AKR1C1: variants seen among roughly 807,000 people sequenced by gnomAD.
The protein encoded by AKR1C1 is 20 alpha-hydroxysteroid dehydrogenase.
AKR1C1 carries 32 observed loss-of-function variants against 40.6 expected under a neutral mutation model. That is an observed-to-expected ratio of 0.79 (90% CI 0.60 to 1.06). The LOEUF is 1.06. Among genes scored for constraint, AKR1C1 ranks in the 50% least tolerant of loss-of-function variants. AKR1C1 has a pLI of 0.00. For synonymous variants in AKR1C1, 105 were observed against 134.2 expected (o/e 0.78, Z 1.50); for missense variants, 320 against 363.5 (o/e 0.88, Z 0.97).
intron 3 of AKR1C1, chr10:4,967,335 G>T (rs529662671): frequency 1.4e-4 from 157 of 1,121,948 alleles, no homozygotes; most frequent in Non-Finnish European, 1.6e-4. Flanking sequence ...TATGATTCCT[G>T]ATTTCACCTC....
Position 4,981,647 on chromosome 10 carries a change from A to C in AKR1C1, c.*3905A>C, listed in dbSNP as rs1352888355. ...AATCCTACTCCATGAAATAAGAAAA[A>C]ACCATCACATCCCCAGATTCTGAGG... On this transcript the variant is annotated 3_prime_UTR_variant, in exon 9 of 9. Coordinates refer to ENST00000380872, the MANE Select transcript of AKR1C1 (RefSeq NM_001353.6). The C allele has an allele frequency of 6.6e-6, 1 of 152,242 alleles. No individual in the cohort carries two copies. Among genetic ancestry groups the C allele is most frequent in the Non-Finnish European group, 1.5e-5 (1 of 68,062 alleles). 9.4% of individuals were successfully genotyped at this position (152,242 alleles called of 1,614,324 possible).
chr10:4,970,070 A>G lies in AKR1C1; in HGVS notation c.570+1126A>G. 3 of 309,554 alleles carry G rather than the reference A, an allele frequency of 9.7e-6. No individual in the cohort carries two copies. In the South Asian group the frequency reaches 9.9e-5, roughly 10 times the overall value. The allele number at this position is 309,554 out of a possible 1,614,324, so 19.2% of individuals were successfully genotyped here. On this transcript the variant is annotated intron_variant, in intron 5 of 8. Coordinates refer to ENST00000380872, the MANE Select transcript of AKR1C1 (RefSeq NM_001353.6). Reference sequence around the variant, plus strand: ...ATATTCAAAATTACTAACATTTTGCAATGTTATATGGAGTATATCTGCATA... The same window carrying G: ...ATATTCAAAATTACTAACATTTTGCGATGTTATATGGAGTATATCTGCATA...
intron 8 of AKR1C1, among the ~76,000 whole-genome samples, chr10:4,976,519 G>A (rs1337769790): frequency 6.6e-6 from 1 of 152,136 alleles, no homozygotes; most frequent in Non-Finnish European, 1.5e-5. Context: ...CTGTCTTAGT[G>A]AAGCGAATAG....
chr10:4,974,643 T>C (rs2131647327), intron 7 of AKR1C1, among the ~76,000 whole-genome samples: 1 of 152,228 alleles, frequency 6.6e-6, no homozygotes, highest in East Asian at 1.9e-4. Context: ...TTTTGAATTT[T>C]TAGCAAAATT....
chr10:4,965,688 T>G, intron 1 of AKR1C1: 8 of 470,228 alleles, frequency 1.7e-5, no homozygotes, highest in Non-Finnish European at 2.6e-5. Flanking sequence ...ACTTCCAAAC[T>G]AGTGGTCAAG....
chr10:4,970,326 C>T (rs1046996466), intron 5 of AKR1C1, among the ~76,000 whole-genome samples: 2 of 151,988 alleles, frequency 1.3e-5, no homozygotes, highest in Admixed American at 6.6e-5. Flanking sequence ...CTTTTTTTAA[C>T]CAGAATTCAA....
Position 4,972,708 on chromosome 10 carries a change from G to A in AKR1C1, c.805G>A (p.Ala269Thr). ...YQLQRGVVVL[A>T]KSYNEQRIRQ... is the part of the protein sequence containing the mutation. ...GCTACAGCGTGGGGTTGTGGTCCTGGCCAAGAGCTACAATGAGCAGCGCAT... is the reference window on the plus strand; with the variant it reads ...GCTACAGCGTGGGGTTGTGGTCCTGACCAAGAGCTACAATGAGCAGCGCAT... The change falls in exon 7 of 9, where the codon GCC (alanine) becomes ACC (threonine). Residue 269 changes from alanine (A) to threonine (T), a missense_variant. Ala to Thr is a moderately conservative substitution (Grantham distance 58, BLOSUM62 0). Coordinates refer to ENST00000380872, the MANE Select transcript of AKR1C1 (RefSeq NM_001353.6). 3 of 1,612,442 alleles carry A rather than the reference G, an allele frequency of 1.9e-6. No individual in the cohort carries two copies.
rs1275859524 is a variant in AKR1C1 at position 4,978,362 on chromosome 10, T to C, written c.*620T>C. The C allele has an allele frequency of 6.6e-6, 1 of 150,650 alleles. No homozygotes were observed. Among genetic ancestry groups the C allele is most frequent in the Non-Finnish European group, 1.5e-5 (1 of 67,864 alleles). The allele number at this position is 150,650 out of a possible 1,614,324, so 9.3% of individuals were successfully genotyped here. A position where few individuals can be genotyped will look rare whatever the true frequency, so the allele number is the denominator to read the frequency against. ...AGAAGTCAGGTATGGGAAGGCTAAATAGGACAGAGTCGAGTACATCTCTGC... is the reference window on the plus strand; with the variant it reads ...AGAAGTCAGGTATGGGAAGGCTAAACAGGACAGAGTCGAGTACATCTCTGC... On this transcript the variant is annotated 3_prime_UTR_variant, in exon 9 of 9. Transcript: ENST00000380872.
intron 5 of AKR1C1, among the ~76,000 whole-genome samples, chr10:4,971,803 A>AT (rs1313384197): frequency 1.3e-5 from 2 of 151,976 alleles, no homozygotes; most frequent in African/African-American, 4.8e-5. Context: ...ACATGTATGC[A>AT]TTTTTGGTAT....
rs1432659918 is a variant in AKR1C1 at position 4,981,938 on chromosome 10, G to A, written c.*4196G>A. 1 of 152,260 alleles carries A rather than the reference G, an allele frequency of 6.6e-6. No homozygotes were observed. Among genetic ancestry groups the A allele is most frequent in the Non-Finnish European group, 1.5e-5 (1 of 68,074 alleles). The allele number at this position is 152,260 out of a possible 1,614,324, so 9.4% of individuals were successfully genotyped here. A position where few individuals can be genotyped will look rare whatever the true frequency, so the allele number is the denominator to read the frequency against. On this transcript the variant is annotated 3_prime_UTR_variant, in exon 9 of 9. Coordinates refer to ENST00000380872, the MANE Select transcript of AKR1C1 (RefSeq NM_001353.6). ...CAGAGTTCTGTGCGCAGACTGCCTGGATGTAAACCTGGCACTGTTAGCAGA... is the reference window on the plus strand; with the variant it reads ...CAGAGTTCTGTGCGCAGACTGCCTGAATGTAAACCTGGCACTGTTAGCAGA...
intron 1 of AKR1C1, chr10:4,963,812 G>A: frequency 1.3e-6 from 1 of 748,944 alleles, no homozygotes; most frequent in Non-Finnish European, 2.5e-6. Context: ...CAATGGGAGT[G>A]GTTTCTCTGT....
intron 5 of AKR1C1, chr10:4,969,549 G>A: frequency 2.1e-6 from 2 of 965,532 alleles, no homozygotes; most frequent in South Asian, 3.0e-5. Flanking sequence ...TCCACACTGA[G>A]GAAGGTTCAG....
chr10:4,974,909 C>A (rs1836502252), intron 7 of AKR1C1, among the ~76,000 whole-genome samples: 1 of 152,054 alleles, frequency 6.6e-6, no homozygotes, highest in African/African-American at 2.4e-5. Flanking sequence ...TTTGAATCAT[C>A]TTATTAACTT....
In AKR1C1 at chr10:4,981,528, G is replaced by T. The variant is rs1385261427; in HGVS notation, c.*3786G>T. Reference sequence around the variant, plus strand: ...TCCCACTTGGAGATTAGTGTGTAGAGATTTACATTGTGAATTTCTTTTCAA... The same window carrying T: ...TCCCACTTGGAGATTAGTGTGTAGATATTTACATTGTGAATTTCTTTTCAA... On this transcript the variant is annotated 3_prime_UTR_variant, in exon 9 of 9. Coordinates refer to ENST00000380872, the MANE Select transcript of AKR1C1 (RefSeq NM_001353.6). 6.6e-6 allele frequency: 1 copy of T among 152,174 alleles called. No individual in the cohort carries two copies. The highest frequency in any genetic ancestry group is 1.5e-5 in the Non-Finnish European group (1 of 68,034). The allele number at this position is 152,174 out of a possible 1,614,324, so 9.4% of individuals were successfully genotyped here. A position where few individuals can be genotyped will look rare whatever the true frequency, so the allele number is the denominator to read the frequency against.
At position 4,979,128 on chromosome 10, in the gene AKR1C1, G is replaced by T. The variant is rs1371027317; in HGVS notation, c.*1386G>T. ...TGTCTCAGAGCTGAGAGGCATCCCA[G>T]CAAGTTTTGCAGCTCACAGTTTTTT... On this transcript the variant is annotated 3_prime_UTR_variant, in exon 9 of 9. Transcript: ENST00000380872. 1.3e-5 allele frequency: 2 copies of T among 152,156 alleles called. No homozygotes were observed. Among genetic ancestry groups the T allele is most frequent in the African/African-American group, 4.8e-5 (2 of 41,444 alleles). The allele number at this position is 152,156 out of a possible 1,614,324, so 9.4% of individuals were successfully genotyped here. A position where few individuals can be genotyped will look rare whatever the true frequency, so the allele number is the denominator to read the frequency against.
At chr10:4,969,729 T>G in intron 5 of AKR1C1, 1 of 1,611,944 alleles carries the variant, frequency 6.2e-7, no homozygotes, top group Non-Finnish European at 8.5e-7. Flanking sequence ...CCAGGCCTCC[T>G]TGATCAAATT....
intron 7 of AKR1C1, among the ~76,000 whole-genome samples, chr10:4,974,875 C>A (rs1327667620): frequency 1.3e-5 from 2 of 151,946 alleles, no homozygotes; most frequent in Non-Finnish European, 2.9e-5. Context: ...CTTAGCTATT[C>A]TTGACTAATG....
chr10:4,982,428 A>G lies in AKR1C1; in HGVS notation c.*4686A>G, dbSNP rs1297074390. On this transcript the variant is annotated 3_prime_UTR_variant, in exon 9 of 9. Transcript: ENST00000380872. ...CACTGCAAGCTGTAAGCGGCCCACTACTTCCCACTCCCTTTTTTGAACTCT... is the reference window on the plus strand; with the variant it reads ...CACTGCAAGCTGTAAGCGGCCCACTGCTTCCCACTCCCTTTTTTGAACTCT... 2.1e-5 allele frequency: 3 copies of G among 142,236 alleles called. No homozygotes were observed. Among genetic ancestry groups the G allele is most frequent in the Non-Finnish European group, 4.5e-5 (3 of 67,044 alleles). The allele number at this position is 142,236 out of a possible 1,614,324, so 8.8% of individuals were successfully genotyped here.
At chr10:4,969,705 C>A (rs962503713) in intron 5 of AKR1C1, 6 of 1,612,220 alleles carry the variant, frequency 3.7e-6, no homozygotes, top group East Asian at 2.2e-5. Context: ...TTCCTTGAGT[C>A]CTGACTGGTG....
Sources: gnomAD v4.1 joint callset for allele counts (sites outside exome capture counted in the v4.1 genomes callset) on GRCh38, gnomAD v4.1.1 for gene constraint, MANE v1.5 for transcripts, NCBI Gene and HGNC (gene_info 2026-07-23, HGNC 2026-07-21) for gene names.